Variants in PDE1A observed in about 807,000 individuals in gnomAD.
PDE1A encodes dual specificity calcium/calmodulin-dependent 3',5'-cyclic nucleotide phosphodiesterase 1A.
Under a neutral mutation model 61.7 loss-of-function variants are expected in PDE1A, and 35 were observed. That is an observed-to-expected ratio of 0.57 (90% confidence interval 0.43 to 0.75). The LOEUF (loss-of-function observed/expected upper bound fraction) is 0.75. Ranked by LOEUF, PDE1A falls within the 30% of genes least tolerant of loss-of-function variation. The probability of loss-of-function intolerance (pLI) is 0.00; values close to 1 mark genes in which losing one functional copy is unlikely to be tolerated. For synonymous variants in PDE1A, 232 were observed against 213.2 expected (o/e 1.09, Z -0.77); for missense variants, 597 against 630.6 (o/e 0.95, Z 0.57).
At chr2:182,494,481 T>C (rs1190949883) in intron 2 of PDE1A, among the ~76,000 whole-genome samples, 1 of 152,142 alleles carries the variant, frequency 6.6e-6, no homozygotes, top group Non-Finnish European at 1.5e-5. Flanking sequence ...CTTGCAGACA[T>C]GAGTAACTGT....
intron 1 of PDE1A, among the ~76,000 whole-genome samples, chr2:182,370,183 G>GAA (rs138520668): frequency 3.3e-5 from 5 of 149,924 alleles, no homozygotes; most frequent in African/African-American, 7.4e-5. Context: ...TCTCAAAAAA[G>GAA]AAAAAAAAGA....
chr2:182,552,263 A>C, the PDE1A span, among the ~76,000 whole-genome samples: 4 of 152,028 alleles, frequency 2.6e-5, no homozygotes, highest in African/African-American at 4.8e-5. Context: ...AAACAGGGAG[A>C]AAAATAGATT....
rs900051915 is a variant in PDE1A at position 182,480,340 on chromosome 2, G to A, written c.101+41936C>T. ...TTAAAACCTACAGTTGGAAGCAATCGCATCATATATAAAGAACATATTTAA... is the reference window on the plus strand; with the variant it reads ...TTAAAACCTACAGTTGGAAGCAATCACATCATATATAAAGAACATATTTAA... On this transcript the variant is annotated intron_variant, in intron 2 of 14. Transcript: ENST00000410103. Among the ~76,000 whole-genome samples, 16 of 151,808 alleles carry A rather than the reference G, an allele frequency of 1.1e-4. No individual in the cohort carries two copies. The East Asian group carries it at 1.6e-3, about 15-fold the overall frequency.
chr2:182,490,838 C>A (rs534265179), intron 2 of PDE1A, among the ~76,000 whole-genome samples: 1 of 152,222 alleles, frequency 6.6e-6, no homozygotes, highest in East Asian at 1.9e-4. Flanking sequence ...TGGTCTTAGA[C>A]AGGCGCACTG....
At chr2:182,392,856 C>T (rs1482863237) in intron 1 of PDE1A, among the ~76,000 whole-genome samples, 1 of 152,272 alleles carries the variant, frequency 6.6e-6, no homozygotes, top group African/African-American at 2.4e-5. Context: ...GGGTGGGTTC[C>T]CATGGTCTTG....
In PDE1A at chr2:182,473,252, G is replaced by A. The variant is rs376268145; in HGVS notation, c.101+49024C>T. On this transcript the variant is annotated intron_variant, in intron 2 of 14. Transcript: ENST00000410103. Reference sequence around the variant, plus strand: ...TCATGTCTAAAACACCAAAAGCAACGGCAACAAAAGCCAAAATTGACAAAT... The same window carrying A: ...TCATGTCTAAAACACCAAAAGCAACAGCAACAAAAGCCAAAATTGACAAAT... Among the ~76,000 whole-genome samples, 16 of 151,900 alleles carry A rather than the reference G, an allele frequency of 1.1e-4. No individual in the cohort carries two copies. The East Asian group carries it at 1.9e-3, about 18-fold the overall frequency.
chr2:182,504,514 A>G (rs1323148984), intron 2 of PDE1A, among the ~76,000 whole-genome samples: 2 of 152,210 alleles, frequency 1.3e-5, no homozygotes, highest in Non-Finnish European at 2.9e-5. Flanking sequence ...GCCTCATGTA[A>G]AATAATTGGA....
chr2:182,260,885 G>GCTA (rs59518934), intron 2 of PDE1A, among the ~76,000 whole-genome samples: 2,358 of 152,250 alleles, frequency 0.015, 38 homozygotes, highest in African/African-American at 0.031. Context: ...CCAAGCCCTA[G>GCTA]GGTCAGACTG....
At chr2:182,218,454 A>G (rs1468838989) in intron 7 of PDE1A, among the ~76,000 whole-genome samples, 1 of 152,090 alleles carries the variant, frequency 6.6e-6, no homozygotes, top group African/African-American at 2.4e-5. Flanking sequence ...AAAGAATACA[A>G]TGCATTGTTA....
chr2:182,442,598 A>T (rs754416946), intron 2 of PDE1A, among the ~76,000 whole-genome samples: 2 of 152,088 alleles, frequency 1.3e-5, no homozygotes, highest in Non-Finnish European at 2.9e-5. Context: ...AATAAACAAT[A>T]TTTATATGCA....
chr2:182,595,060 C>CT, the PDE1A span, among the ~76,000 whole-genome samples: 1 of 152,000 alleles, frequency 6.6e-6, no homozygotes, highest in Non-Finnish European at 1.5e-5. Flanking sequence ...CTTTTTGTTA[C>CT]TTTTTTTCTT....
chr2:182,487,276 C>G (rs545007418), intron 2 of PDE1A, among the ~76,000 whole-genome samples: 5 of 152,000 alleles, frequency 3.3e-5, no homozygotes, highest in Non-Finnish European at 7.4e-5. Context: ...CAGGTGCCAG[C>G]GAGAAAGTGA....
intron 2 of PDE1A, among the ~76,000 whole-genome samples, chr2:182,445,579 G>A (rs556048896): frequency 1.4e-4 from 22 of 152,234 alleles, no homozygotes; most frequent in Non-Finnish European, 2.5e-4. Flanking sequence ...TAGCTTCAAC[G>A]TGAAAGCTAT....
the PDE1A span, among the ~76,000 whole-genome samples, chr2:182,637,416 G>A: frequency 6.6e-6 from 1 of 152,042 alleles, no homozygotes; most frequent in Admixed American, 6.6e-5. Context: ...TGCCAAATAT[G>A]GTGAAGATTA....
chr2:182,142,863 G>A (rs1000303411), downstream of PDE1A: 5 of 152,048 alleles, frequency 3.3e-5, no homozygotes, highest in Admixed American at 2.6e-4. Context: ...CAAAAACTCT[G>A]ATAAAAACTT....
the PDE1A span, among the ~76,000 whole-genome samples, chr2:182,590,240 G>A: frequency 0.082 from 12,493 of 152,142 alleles, 1,640 homozygotes; most frequent in African/African-American, 0.28. Context: ...CTGAGGCAGA[G>A]GGGACTGCTT....
the PDE1A span, among the ~76,000 whole-genome samples, chr2:182,558,054 A>G: frequency 6.6e-6 from 1 of 152,192 alleles, no homozygotes; most frequent in African/African-American, 2.4e-5. Context: ...TTCTCCTAAC[A>G]TAGCTCTTCA....
At chr2:182,154,027 A>G (rs1275476262) in intron 13 of PDE1A, among the ~76,000 whole-genome samples, 5 of 152,236 alleles carry the variant, frequency 3.3e-5, no homozygotes, top group African/African-American at 1.2e-4. Context: ...CTATCTACCT[A>G]AGTGAGTTTC....
At chr2:182,243,960 C>T (rs564527562) in intron 2 of PDE1A, among the ~76,000 whole-genome samples, 4 of 152,186 alleles carry the variant, frequency 2.6e-5, no homozygotes, top group African/African-American at 9.6e-5. Context: ...CTCTGCCTCC[C>T]GGGTTCAAGC....
Sources: gnomAD v4.1 joint callset for allele counts (sites outside exome capture counted in the v4.1 genomes callset) on GRCh38, gnomAD v4.1.1 for gene constraint, MANE v1.5 for transcripts, NCBI Gene and HGNC (gene_info 2026-07-23, HGNC 2026-07-21) for gene names.